Variants in R3HDM2 observed in about 807,000 individuals in gnomAD.
The protein encoded by R3HDM2 is R3H domain containing 2.
Under a neutral mutation model 124.5 loss-of-function variants are expected in R3HDM2, and 38 were observed. That is an observed-to-expected ratio of 0.31 (90% CI 0.24 to 0.40). R3HDM2 has a LOEUF of 0.40. R3HDM2 is among the 10% of genes least tolerant of loss of function. R3HDM2 has a pLI of 1.00. For synonymous variants in R3HDM2, 391 were observed against 448.0 expected, an observed-to-expected ratio of 0.87 and a Z score of 1.61; for missense variants, 869 against 1,236.9, an observed-to-expected ratio of 0.70 and a Z score of 4.46.
intron 2 of R3HDM2, among the ~76,000 whole-genome samples, chr12:57,368,998 G>T (rs2062999373): frequency 6.6e-6 from 1 of 152,128 alleles, no homozygotes; most frequent in Admixed American, 6.5e-5. Flanking sequence ...CAACACAAGT[G>T]ATCTGGAGAC....
At chr12:57,328,593 A>C (rs1284045112) in intron 2 of R3HDM2, among the ~76,000 whole-genome samples, 1 of 152,112 alleles carries the variant, frequency 6.6e-6, no homozygotes, top group African/African-American at 2.4e-5. Context: ...ATGTCTATTC[A>C]TGGGTGCAAT....
chr12:57,398,494 C>CT (rs988085269), intron 1 of R3HDM2, among the ~76,000 whole-genome samples: 2,110 of 145,480 alleles, frequency 0.015, 38 homozygotes, highest in African/African-American at 0.043. Context: ...CTTTCTCTCT[C>CT]TTTTTTTTTT....
At chr12:57,283,497 A>T in intron 13 of R3HDM2, among the ~76,000 whole-genome samples, 1 of 152,260 alleles carries the variant, frequency 6.6e-6, no homozygotes, top group Middle Eastern at 3.4e-3. Context: ...CCAGCACTTT[A>T]GGAGGCTGAG....
At chr12:57,349,375 T>C (rs1466362411) in intron 2 of R3HDM2, among the ~76,000 whole-genome samples, 3 of 57,144 alleles carry the variant, frequency 5.2e-5, no homozygotes, top group African/African-American at 1.7e-4. Context: ...CGAGACTCCG[T>C]CTCCAAAAAA....
intron 2 of R3HDM2, among the ~76,000 whole-genome samples, chr12:57,333,460 T>A (rs1477196568): frequency 6.6e-6 from 1 of 151,562 alleles, no homozygotes; most frequent in Admixed American, 6.6e-5. Context: ...GAGGACAAAG[T>A]GGGTGGATCA....
intron 1 of R3HDM2, among the ~76,000 whole-genome samples, chr12:57,423,893 T>C (rs1472583071): frequency 7.1e-6 from 1 of 141,772 alleles, no homozygotes; most frequent in Non-Finnish European, 1.5e-5. Flanking sequence ...GGCGGGAAGA[T>C]CACCTGAGGT....
At chr12:57,280,802 G>A (rs1253174484) in intron 13 of R3HDM2, among the ~76,000 whole-genome samples, 1 of 152,166 alleles carries the variant, frequency 6.6e-6, no homozygotes, top group African/African-American at 2.4e-5. Flanking sequence ...AACAAAATGT[G>A]AGGCTGCTGA....
At chr12:57,327,480 A>AAG (rs1442573626) in intron 2 of R3HDM2, among the ~76,000 whole-genome samples, 32 of 152,094 alleles carry the variant, frequency 2.1e-4, no homozygotes, top group African/African-American at 7.7e-4. Flanking sequence ...AAAAAAAAAA[A>AAG]AAAGAAATAC....
intron 2 of R3HDM2, among the ~76,000 whole-genome samples, chr12:57,378,661 C>A (rs1358164667): frequency 6.6e-6 from 1 of 152,132 alleles, no homozygotes; most frequent in African/African-American, 2.4e-5. Flanking sequence ...TTACAGGTCA[C>A]TGCACCCAGC....
chr12:57,362,577 G>A (rs2062082353), intron 2 of R3HDM2, among the ~76,000 whole-genome samples: 1 of 152,020 alleles, frequency 6.6e-6, no homozygotes, highest in Non-Finnish European at 1.5e-5. Flanking sequence ...GTGGATTTTT[G>A]ACTGCATGGG....
intron 3 of R3HDM2, 54 bp from the exon 4 acceptor site, chr12:57,303,271 T>C: frequency 7.2e-7 from 1 of 1,386,230 alleles, no homozygotes; most frequent in Non-Finnish European, 1.0e-6. Flanking sequence ...GACATGTAAG[T>C]TAAAAACAAT....
intron 2 of R3HDM2, among the ~76,000 whole-genome samples, chr12:57,362,297 G>C (rs1334998127): frequency 6.6e-6 from 1 of 152,158 alleles, no homozygotes; most frequent in South Asian, 2.1e-4. Flanking sequence ...CAAGAATGAA[G>C]ACTTTTACGA....
chr12:57,414,878 T>C (rs2069416228), intron 1 of R3HDM2, among the ~76,000 whole-genome samples: 5 of 152,028 alleles, frequency 3.3e-5, no homozygotes, highest in Middle Eastern at 3.4e-3. Flanking sequence ...AATTTCTCTT[T>C]ATAGGAACCA....
chr12:57,365,217 T>A (rs1207098911), intron 2 of R3HDM2, among the ~76,000 whole-genome samples: 2 of 149,782 alleles, frequency 1.3e-5, no homozygotes, highest in Non-Finnish European at 3.0e-5. Context: ...TGAGCCGAGA[T>A]CATGCCACTG....
rs567713182 is a variant in R3HDM2 at position 57,328,184 on chromosome 12, G to A, written c.-35-17721C>T. ...ACTCCCAGGCTCAGGCGATCCTCCC[G>A]CCTCAACCTCCCAAGGAGCTGGGAC... On this transcript the variant is annotated intron_variant, in intron 2 of 23. Transcript: ENST00000402412. Among the ~76,000 whole-genome samples the A allele has an allele frequency of 4.6e-5, 7 of 151,478 alleles. No individual in the cohort carries two copies. The East Asian group carries it at 1.4e-3, about 30-fold the overall frequency.
intron 11 of R3HDM2, among the ~76,000 whole-genome samples, chr12:57,290,931 C>T (rs2048443545): frequency 6.6e-6 from 1 of 152,130 alleles, no homozygotes; most frequent in South Asian, 2.1e-4. Context: ...TGCTATTAAC[C>T]ACCAACCTGT....
intron 10 of R3HDM2, 102 bp from the exon 11 acceptor site, chr12:57,292,769 C>CA (rs1160602947): frequency 9.9e-6 from 7 of 707,414 alleles, no homozygotes; most frequent in Admixed American, 5.7e-5. Context: ...TAGTTGCCAT[C>CA]AAAAAAATGG....
At chr12:57,275,501 G>T in intron 14 of R3HDM2, among the ~76,000 whole-genome samples, 1 of 127,532 alleles carries the variant, frequency 7.8e-6, no homozygotes, top group Non-Finnish European at 1.7e-5. Flanking sequence ...CGTTTGCATG[G>T]AAAAAAAAAA....
At chr12:57,421,729 C>T (rs1211888708) in intron 1 of R3HDM2, among the ~76,000 whole-genome samples, 5 of 150,866 alleles carry the variant, frequency 3.3e-5, no homozygotes, top group African/African-American at 9.8e-5. Context: ...AGGCTAGTCT[C>T]GAACTGGGCT....
Sources: allele counts gnomAD v4.1 joint callset (sites outside exome capture counted in the v4.1 genomes callset), GRCh38; gene constraint gnomAD v4.1.1; transcripts MANE v1.5; gene names NCBI Gene and HGNC (gene_info 2026-07-23, HGNC 2026-07-21).